The following MIPEP variants were observed in gnomAD, a reference collection of about 807,000 sequenced individuals.
MIPEP encodes mitochondrial intermediate peptidase.
A neutral mutation model predicts 90.3 loss-of-function variants in MIPEP; 79 were observed. That is an observed-to-expected ratio of 0.87 (90% CI 0.73 to 1.05). The LOEUF is 1.05. Among genes scored for constraint, MIPEP ranks in the 50% least tolerant of loss-of-function variants. The pLI is 0.00. For synonymous variants in MIPEP, 334 were observed against 315.8 expected (o/e 1.06, Z -0.61); for missense variants, 940 against 905.6 (o/e 1.04, Z -0.49).
At chr13:23,773,015 C>CA (rs1169144397) in intron 16 of MIPEP, among the ~76,000 whole-genome samples, 1 of 152,152 alleles carries the variant, frequency 6.6e-6, no homozygotes, top group Non-Finnish European at 1.5e-5. Context: ...TCACTCTTTT[C>CA]AAGTGTACAC....
intron 16 of MIPEP, among the ~76,000 whole-genome samples, chr13:23,765,004 G>A (rs1208241670): frequency 6.6e-6 from 1 of 152,156 alleles, no homozygotes; most frequent in East Asian, 1.9e-4. Context: ...ACTTATATGT[G>A]GATTTCTTTC....
chr13:23,741,814 GA>G (rs900074102), intron 18 of MIPEP, among the ~76,000 whole-genome samples: 4 of 139,480 alleles, frequency 2.9e-5, no homozygotes, highest in African/African-American at 5.1e-5. Flanking sequence ...ACCGAACCTA[GA>G]AAAAAAATTT....
intron 10 of MIPEP, among the ~76,000 whole-genome samples, chr13:23,855,295 G>A (rs539735727): frequency 4.6e-5 from 7 of 151,988 alleles, no homozygotes; most frequent in South Asian, 2.1e-4. Context: ...ATACTACTAC[G>A]GTATTTTCCA....
At chr13:23,750,536 A>G (rs111233935) in intron 18 of MIPEP, among the ~76,000 whole-genome samples, 2 of 152,192 alleles carry the variant, frequency 1.3e-5, no homozygotes, top group African/African-American at 2.4e-5. Flanking sequence ...CCATCATATT[A>G]TATCAAGGAT....
chr13:23,827,477 G>C (rs1416255400), intron 14 of MIPEP, among the ~76,000 whole-genome samples: 2 of 152,086 alleles, frequency 1.3e-5, no homozygotes, highest in Admixed American at 6.5e-5. Context: ...TGGTTTCATA[G>C]ATGAATTCCG....
At chr13:23,875,455 T>C (rs1026813497) in intron 4 of MIPEP, among the ~76,000 whole-genome samples, 5 of 152,042 alleles carry the variant, frequency 3.3e-5, no homozygotes, top group Admixed American at 6.6e-5. Context: ...GGAAGCTGAG[T>C]TTCTTGGCTA....
chr13:23,866,115 G>A (rs1030353609), intron 7 of MIPEP, among the ~76,000 whole-genome samples: 3 of 151,952 alleles, frequency 2.0e-5, no homozygotes, highest in Non-Finnish European at 4.4e-5. Flanking sequence ...TCTTCCTTCT[G>A]CTCTGCTGAG....
intron 16 of MIPEP, among the ~76,000 whole-genome samples, chr13:23,782,656 T>C (rs998761276): frequency 2.6e-5 from 4 of 152,052 alleles, no homozygotes; most frequent in Non-Finnish European, 4.4e-5. Flanking sequence ...AAAAAATCAA[T>C]GAATCCAGGA....
At chr13:23,827,122 C>G (rs115533546) in intron 14 of MIPEP, among the ~76,000 whole-genome samples, 1 of 151,564 alleles carries the variant, frequency 6.6e-6, no homozygotes, top group African/African-American at 2.4e-5. Flanking sequence ...TTGGTAGCCA[C>G]GTTGGCGGGG....
At chr13:23,844,046 A>T (rs1869426300) in intron 10 of MIPEP, among the ~76,000 whole-genome samples, 1 of 152,126 alleles carries the variant, frequency 6.6e-6, no homozygotes, top group Non-Finnish European at 1.5e-5. Context: ...TCCATTTTGG[A>T]GGAACCGACT....
intron 16 of MIPEP, among the ~76,000 whole-genome samples, chr13:23,787,676 T>C (rs1451159800): frequency 2.0e-5 from 3 of 152,206 alleles, no homozygotes; most frequent in African/African-American, 7.2e-5. Flanking sequence ...CAGTGAATGA[T>C]TGCTCAGCAT....
At chr13:23,882,261 TG>T (rs1217317482) in intron 2 of MIPEP, among the ~76,000 whole-genome samples, 1 of 152,144 alleles carries the variant, frequency 6.6e-6, no homozygotes, top group East Asian at 1.9e-4. Context: ...GAGCAGACAC[TG>T]GTTTCAAATA....
chr13:23,857,230 T>C (rs1008580492), intron 10 of MIPEP, among the ~76,000 whole-genome samples: 16 of 152,216 alleles, frequency 1.1e-4, no homozygotes, highest in African/African-American at 3.9e-4. Context: ...AAAACAATTT[T>C]GTAAAACAAA....
chr13:23,750,282 T>G (rs970345011), intron 18 of MIPEP, among the ~76,000 whole-genome samples: 3 of 152,164 alleles, frequency 2.0e-5, no homozygotes, highest in Admixed American at 6.5e-5. Flanking sequence ...CAGATTGCCC[T>G]GGTACGATCA....
At chr13:23,819,978 C>T (rs1953285413) in intron 14 of MIPEP, among the ~76,000 whole-genome samples, 1 of 151,906 alleles carries the variant, frequency 6.6e-6, no homozygotes, top group African/African-American at 2.4e-5. Flanking sequence ...CCTTGCACTC[C>T]AGCCTGGGTG....
At position 23,735,076 on chromosome 13, in the gene MIPEP, G is replaced by A. The variant is rs9507153; in HGVS notation, c.2045-4631C>T. On this transcript the variant is annotated intron_variant, in intron 18 of 18. Transcript: ENST00000382172. ...CCGAAGTATCCCCACCTGTGTAGAA[G>A]ATCATGGTGCCCTGCATTTGCATAT... Among the ~76,000 whole-genome samples the A allele has an allele frequency of 9.1e-3, 1,390 of 152,168 alleles. 9 individuals are homozygous for A. Among genetic ancestry groups the A allele is most frequent in the Non-Finnish European group, 0.015 (1,001 of 67,980 alleles).
chr13:23,857,401 T>C (rs1041230033), intron 10 of MIPEP, among the ~76,000 whole-genome samples: 2 of 152,048 alleles, frequency 1.3e-5, no homozygotes, highest in Non-Finnish European at 2.9e-5. Flanking sequence ...AACCTATATC[T>C]CTACAAAAAA....
At position 23,803,529 on chromosome 13, in the gene MIPEP, A is replaced by G. The variant is rs138203486; in HGVS notation, c.1848+2421T>C. On this transcript the variant is annotated intron_variant, in intron 16 of 18. Transcript: ENST00000382172. ...CATTTTTTTTTCCATATAGAGATCA[A>G]TCACTACAACACCACTTTAAAAAAT... 2.9e-4 allele frequency among the ~76,000 whole-genome samples: 44 copies of G among 152,302 alleles called. No homozygotes were observed. The East Asian group carries it at 8.3e-3, about 29-fold the overall frequency.
intron 3 of MIPEP, among the ~76,000 whole-genome samples, chr13:23,880,785 G>C (rs1389895953): frequency 3.9e-5 from 6 of 152,224 alleles, no homozygotes; most frequent in Admixed American, 3.9e-4. Context: ...GGCGACCTGG[G>C]GAAAAGCAGC....
Sources: gnomAD v4.1 joint callset for allele counts (sites outside exome capture counted in the v4.1 genomes callset) on GRCh38, gnomAD v4.1.1 for gene constraint, MANE v1.5 for transcripts, NCBI Gene and HGNC (gene_info 2026-07-23, HGNC 2026-07-21) for gene names.